Variants in KIAA0319 observed in about 807,000 individuals in gnomAD.
The protein encoded by KIAA0319 is KIAA0319, also known as dyslexia-associated protein KIAA0319.
Under a neutral mutation model 108.4 loss-of-function variants are expected in KIAA0319, and 83 were observed. The ratio of observed to expected loss-of-function variants is 0.77; its 90% CI spans 0.64 to 0.92. KIAA0319 has a LOEUF of 0.92. Ranked by LOEUF, KIAA0319 falls within the 40% of genes least tolerant of loss-of-function variation. The pLI, the probability that KIAA0319 is intolerant of heterozygous loss-of-function variation, is 0.00. For missense variants in KIAA0319, 1,195 were observed against 1,322.4 expected (o/e 0.90, Z 1.49); for synonymous variants, 484 against 510.4 (o/e 0.95, Z 0.70).
chr6:24,621,031 C>G (rs924319599), intron 1 of KIAA0319, among the ~76,000 whole-genome samples: 2 of 152,218 alleles, frequency 1.3e-5, no homozygotes, highest in Non-Finnish European at 2.9e-5. Context: ...ACAGTCACAC[C>G]TACTTCCCTT....
chr6:24,596,494 A>C lies in KIAA0319; in HGVS notation c.180T>G (p.Ala60=). Reference sequence around the variant, plus strand: ...GGTCACAGCTGGACAGGTCACAGCAAGCGGCCGTGCAGTCTACGACAGGGA... The same window carrying C: ...GGTCACAGCTGGACAGGTCACAGCACGCGGCCGTGCAGTCTACGACAGGGA... ...HTFPVVDCTA[A]CCDLSSCDLA... is the part of the protein sequence containing the mutation. The change falls in exon 3 of 21, where the codon GCT becomes GCG. Residue 60 remains alanine (A), a synonymous_variant. Coordinates refer to ENST00000378214, the MANE Select transcript of KIAA0319 (RefSeq NM_014809.4). 6.2e-7 allele frequency: 1 copy of C among 1,614,162 alleles called. No homozygotes were observed. Among genetic ancestry groups the C allele is most frequent in the East Asian group, 2.2e-5 (1 of 44,872 alleles).
intron 8 of KIAA0319, among the ~76,000 whole-genome samples, chr6:24,579,511 A>C (rs536796924): frequency 6.9e-6 from 1 of 145,296 alleles, no homozygotes; most frequent in Non-Finnish European, 1.5e-5. Context: ...TCTCATATAT[A>C]TCTTATATAT....
At position 24,596,133 on chromosome 6, in the gene KIAA0319, C is replaced by T. The variant is rs138139227; in HGVS notation, c.541G>A (p.Glu181Lys). The change falls in exon 3 of 21, where the codon GAG becomes AAG. Residue 181 changes from glutamate to lysine, a missense_variant. By Grantham distance (56) the Glu-to-Lys change is moderately conservative (BLOSUM62 1). Transcript: ENST00000378214. ...GGCAGTAGGCCCCAGTCCGTGTACTCGGCACTCCCTCTGGGCTCCTGCTTG... is the reference window on the plus strand; with the variant it reads ...GGCAGTAGGCCCCAGTCCGTGTACTTGGCACTCCCTCTGGGCTCCTGCTTG... ...SGKQEPRGSA[E>K]YTDWGLLPGS... is the part of the protein sequence containing the mutation. 1.9e-4 allele frequency: 305 copies of T among 1,614,014 alleles called. No individual in the cohort carries two copies. The highest frequency in any genetic ancestry group is 1.7e-3 in the Middle Eastern group (10 of 6,058).
intron 11 of KIAA0319, 58 bp downstream of exon 11, chr6:24,572,517 G>A: frequency 6.3e-7 from 1 of 1,582,698 alleles, no homozygotes; most frequent in South Asian, 1.2e-5. Flanking sequence ...AACCCCAGAA[G>A]CCCAGCTATC....
Position 24,582,104 on chromosome 6 carries a change from C to T in KIAA0319, c.1191+145G>A. The stretch of plus-strand genomic sequence containing the variant: ...GAGGTTGCAGTGAGCTGTAATTGCG[C>T]TACTGCACTCCAGCCTGGGCAACAG... On this transcript the variant is annotated intron_variant, in intron 6 of 20. Transcript: ENST00000378214. 4 of 518,782 alleles carry T rather than the reference C, an allele frequency of 7.7e-6. No individual in the cohort carries two copies. The South Asian group carries it at 9.2e-5, about 12-fold the overall frequency. The allele number at this position is 518,782 out of a possible 1,614,324, so 32.1% of individuals were successfully genotyped here. A position where few individuals can be genotyped will look rare whatever the true frequency, so the allele number is the denominator to read the frequency against.
chr6:24,566,870 T>A, intron 13 of KIAA0319, 122 bp from the exon 14 acceptor site: 1 of 926,188 alleles, frequency 1.1e-6, no homozygotes, highest in Non-Finnish European at 1.5e-6. Context: ...AGAATTAAAA[T>A]ATCCAAAAAG....
At chr6:24,590,009 C>T (rs922416978) in intron 3 of KIAA0319, among the ~76,000 whole-genome samples, 4 of 152,138 alleles carry the variant, frequency 2.6e-5, no homozygotes, top group African/African-American at 9.7e-5. Flanking sequence ...GTAAGTAAAA[C>T]TCTTAGACTA....
intron 20 of KIAA0319, among the ~76,000 whole-genome samples, chr6:24,548,673 G>T (rs929479452): frequency 2.0e-5 from 3 of 152,108 alleles, no homozygotes; most frequent in Non-Finnish European, 2.9e-5. Flanking sequence ...AGAAGCATCC[G>T]GGAATATTTA....
intron 5 of KIAA0319, chr6:24,583,101 A>T (rs970834742): frequency 4.1e-6 from 4 of 985,490 alleles, no homozygotes; most frequent in Non-Finnish European, 4.8e-6. Context: ...GTCCCAGGTC[A>T]AATGCTTACT....
chr6:24,611,367 C>T lies in KIAA0319; in HGVS notation c.-105-10159G>A, dbSNP rs569231267. ...TACAAAAATTAGACAGGCATAGTGG[C>T]GGGCGCCTGTAGTCCCAGCTACTCA... On this transcript the variant is annotated intron_variant, in intron 1 of 20. Transcript: ENST00000378214. Among the ~76,000 whole-genome samples the T allele has an allele frequency of 2.0e-4, 31 of 151,960 alleles. 1 individual carries two copies. The South Asian group carries it at 5.0e-3, about 24-fold the overall frequency.
At chr6:24,603,636 T>C (rs1231504203) in intron 1 of KIAA0319, among the ~76,000 whole-genome samples, 1 of 152,030 alleles carries the variant, frequency 6.6e-6, no homozygotes, top group Non-Finnish European at 1.5e-5. Flanking sequence ...CTTTTAGAAA[T>C]GTGTAAGTGT....
At chr6:24,578,855 C>A (rs12197222) in intron 8 of KIAA0319, among the ~76,000 whole-genome samples, 13,000 of 152,256 alleles carry the variant, frequency 0.085, 608 homozygotes, top group South Asian at 0.15. Context: ...TAATCCTGAA[C>A]AGTTTCCTGT....
intron 4 of KIAA0319, among the ~76,000 whole-genome samples, chr6:24,585,420 G>C (rs563980722): frequency 6.6e-6 from 1 of 151,808 alleles, no homozygotes; most frequent in African/African-American, 2.4e-5. Context: ...CCCTAAAACA[G>C]TTTTGTTGAA....
chr6:24,574,606 GCAT>G (rs1765203334), intron 10 of KIAA0319, among the ~76,000 whole-genome samples: 1 of 151,858 alleles, frequency 6.6e-6, no homozygotes, highest in Non-Finnish European at 1.5e-5. Context: ...GAAGTTCATG[GCAT>G]CATGAAATGG....
At chr6:24,598,877 TA>T (rs879491567) in intron 2 of KIAA0319, 2,922 of 295,082 alleles carry the variant, frequency 9.9e-3, no homozygotes, top group South Asian at 0.015. Flanking sequence ...AGACTGCATT[TA>T]AAAAAAAAAT....
intron 20 of KIAA0319, among the ~76,000 whole-genome samples, chr6:24,547,795 G>A (rs1158774882): frequency 6.6e-6 from 1 of 152,160 alleles, no homozygotes. Flanking sequence ...TGATTTCAGG[G>A]GGTCAACCTA....
chr6:24,626,450 T>A (rs1309061357), intron 1 of KIAA0319, among the ~76,000 whole-genome samples: 1 of 152,154 alleles, frequency 6.6e-6, no homozygotes, highest in Non-Finnish European at 1.5e-5. Context: ...GAGAATCGCT[T>A]GAACCTGGCA....
At chr6:24,573,956 A>T (rs1487441913) in intron 10 of KIAA0319, among the ~76,000 whole-genome samples, 1 of 151,988 alleles carries the variant, frequency 6.6e-6, no homozygotes, top group Non-Finnish European at 1.5e-5. Context: ...CTCTACTAAA[A>T]ATACAAAAAT....
intron 1 of KIAA0319, among the ~76,000 whole-genome samples, chr6:24,608,669 G>A (rs1771798744): frequency 6.6e-6 from 1 of 151,946 alleles, no homozygotes; most frequent in South Asian, 2.1e-4. Flanking sequence ...GGTGGCTCAC[G>A]CCTGTAATCC....
Sources: gnomAD v4.1 joint callset for allele counts (sites outside exome capture counted in the v4.1 genomes callset) on GRCh38, gnomAD v4.1.1 for gene constraint, MANE v1.5 for transcripts, NCBI Gene and HGNC (gene_info 2026-07-23, HGNC 2026-07-21) for gene names.